TRIM59: variants seen among roughly 807,000 people sequenced by gnomAD.
TRIM59 encodes the protein tripartite motif-containing protein 59.
TRIM59 carries 14 observed loss-of-function variants against 32.2 expected under a neutral mutation model. That is an observed-to-expected ratio of 0.43 (90% confidence interval 0.29 to 0.68). The LOEUF (loss-of-function observed/expected upper bound fraction) is 0.68. TRIM59 is among the 30% of genes least tolerant of loss of function. The pLI is 0.15. For missense variants in TRIM59, 471 were observed against 463.3 expected, an observed-to-expected ratio of 1.02 and a Z score of -0.15; for synonymous variants, 163 against 155.1, an observed-to-expected ratio of 1.05 and a Z score of -0.38.
chr3:160,441,753 CAAAAAAA>C (rs538957200), intron 2 of TRIM59, among the ~76,000 whole-genome samples: 63 of 50,124 alleles, frequency 1.3e-3, no homozygotes, highest in East Asian at 4.9e-3. Context: ...GACTCCATCT[CAAAAAAA>C]AAAAAAAAAA....
intron 2 of TRIM59, among the ~76,000 whole-genome samples, chr3:160,441,471 A>G (rs1346912846): frequency 6.6e-6 from 1 of 152,158 alleles, no homozygotes; most frequent in Non-Finnish European, 1.5e-5. Context: ...TACTCCATTC[A>G]GGCCAGGTGC....
rs763814578 is a variant in TRIM59, at chr3:160,438,919, C to T, written c.265G>A (p.Glu89Lys). 1.2e-6 allele frequency: 2 copies of T among 1,613,982 alleles called. No individual in the cohort carries two copies. Among genetic ancestry groups the T allele is most frequent in the Non-Finnish European group, 1.7e-6 (2 of 1,180,010 alleles). The change falls in exon 3 of 3, where the codon GAA becomes AAA. Residue 89 changes from glutamate to lysine, a missense_variant. By Grantham distance (56) the Glu-to-Lys change is moderately conservative. Transcript: ENST00000309784. ...LRAIIEKYQQ[E>K]DHPDIVTCPE... ...CAGGTGACAATATCTGGATGGTCTT[C>T]TTGCTGGTACTTTTCAATAATAGCC...
At chr3:160,449,072 G>A (rs1373694611) in intron 1 of TRIM59, 13 of 221,404 alleles carry the variant, frequency 5.9e-5, no homozygotes, top group Non-Finnish European at 1.8e-5. Flanking sequence ...CAATGGTGAT[G>A]GCAGAAAAAA....
In TRIM59 at chr3:160,436,529, C is replaced by A; in HGVS notation, c.*1443G>T. 1.0e-6 allele frequency: 1 copy of A among 985,458 alleles called. No homozygotes were observed. The highest frequency in any genetic ancestry group is 1.2e-6 in the Non-Finnish European group (1 of 829,938). 61.0% of individuals were successfully genotyped at this position (985,458 alleles called of 1,614,324 possible). The stretch of plus-strand genomic sequence containing the variant: ...GATTAAGTTGTTGGGCCGGGCGTGG[C>A]GGCTCACGCCTATAATCCCAGCATT... On this transcript the variant is annotated 3_prime_UTR_variant, in exon 3 of 3. Transcript: ENST00000309784.
Position 160,438,629 on chromosome 3 carries a change from A to C in TRIM59, c.555T>G (p.Val185=). The C allele has an allele frequency of 6.2e-7, 1 of 1,612,496 alleles. No homozygotes were observed. The highest frequency in any genetic ancestry group is 8.5e-7 in the Non-Finnish European group (1 of 1,179,600). The change falls in exon 3 of 3, where the codon GTT becomes GTG. Residue 185 remains valine, a synonymous_variant. Transcript: ENST00000309784. ...EKMIQGDKEA[V]LQYFKELNDT... is the part of the protein sequence containing the mutation. ...CATTAAGCTCCTTAAAATACTGGAG[A>C]ACAGCTTCCTTATCGCCTTGGATCA... is the stretch of plus-strand genomic sequence containing the variant.
intron 2 of TRIM59, among the ~76,000 whole-genome samples, chr3:160,440,495 C>G (rs1719185614): frequency 6.6e-6 from 1 of 152,204 alleles, no homozygotes; most frequent in Non-Finnish European, 1.5e-5. Context: ...CTACCACCTC[C>G]TACTGCTTTC....
intron 2 of TRIM59, among the ~76,000 whole-genome samples, chr3:160,445,769 G>A: frequency 9.4e-6 from 1 of 106,146 alleles, no homozygotes; most frequent in African/African-American, 3.8e-5. Context: ...GCAAGACTCT[G>A]TCTCAAAAAA....
At chr3:160,444,167 G>A (rs1364658604) in intron 2 of TRIM59, among the ~76,000 whole-genome samples, 1 of 151,954 alleles carries the variant, frequency 6.6e-6, no homozygotes, top group African/African-American at 2.4e-5. Context: ...GAAGGAAACA[G>A]TTTAAGAACT....
intron 2 of TRIM59, among the ~76,000 whole-genome samples, chr3:160,443,486 A>G (rs1163961579): frequency 6.6e-6 from 1 of 152,222 alleles, no homozygotes; most frequent in Non-Finnish European, 1.5e-5. Flanking sequence ...GATCTCAAAA[A>G]TGAACAACCT....
In TRIM59 at chr3:160,443,120, T is replaced by C. The variant is rs561982689; in HGVS notation, c.-3-3934A>G. Among the ~76,000 whole-genome samples the C allele has an allele frequency of 4.6e-5, 7 of 152,250 alleles. 1 individual carries two copies. Among genetic ancestry groups the C allele is most frequent in the Admixed American group, 4.6e-4 (7 of 15,290 alleles). ...GGCAACAGAGCAAGACCCTGCCTTT[T>C]TTAGAAAAAAAAAAGATACAGGTGG... On this transcript the variant is annotated intron_variant, in intron 2 of 2. Transcript: ENST00000309784.
In TRIM59 at chr3:160,439,075, T is replaced by C; in HGVS notation, c.109A>G (p.Ile37Val). Reference sequence around the variant, plus strand: ...TAAAAGTTACCAGATGCCTGAAGAATGTTTTCCAAACAATTTCTACAAAAT... The same window carrying C: ...TAAAAGTTACCAGATGCCTGAAGAACGTTTTCCAAACAATTTCTACAAAAT... The part of the protein sequence containing the change: ...HTFCRNCLEN[I>V]LQASGNFYIW... Residue 37 changes from isoleucine to valine, a missense_variant, in exon 3 of 3, where the codon ATT (isoleucine) becomes GTT (valine). Coordinates refer to ENST00000309784, the MANE Select transcript of TRIM59 (RefSeq NM_173084.3). 6.4e-7 allele frequency: 1 copy of C among 1,561,486 alleles called. No homozygotes were observed. The highest frequency in any genetic ancestry group is 8.7e-7 in the Non-Finnish European group (1 of 1,155,986).
intron 2 of TRIM59, among the ~76,000 whole-genome samples, chr3:160,440,004 C>T (rs922925262): frequency 1.3e-5 from 2 of 152,120 alleles, no homozygotes; most frequent in Non-Finnish European, 2.9e-5. Flanking sequence ...TATTCTTTAA[C>T]ACAAAAGGAG....
rs1242711717 is a variant in TRIM59, at chr3:160,448,706, T to C, written c.-4+20A>G. 29 of 1,247,308 alleles carry C rather than the reference T, an allele frequency of 2.3e-5. No homozygotes were observed. Among genetic ancestry groups the C allele is most frequent in the Non-Finnish European group, 3.0e-5 (29 of 953,196 alleles). The allele number at this position is 1,247,308 out of a possible 1,614,324, so 77.3% of individuals were successfully genotyped here. A position where few individuals can be genotyped will look rare whatever the true frequency, so the allele number is the denominator to read the frequency against. On this transcript the variant is annotated intron_variant, in intron 2 of 2. Coordinates refer to ENST00000309784, the MANE Select transcript of TRIM59 (RefSeq NM_173084.3). ...AACTTAATTGTTTTTCATATTTATT[T>C]AATCTCCCAGATTACCTACTTTGTT...
Position 160,436,069 on chromosome 3 carries a change from GTC to G in TRIM59, c.*1901_*1902del, listed in dbSNP as rs987076849. 6.9e-6 allele frequency: 8 copies of G among 1,167,652 alleles called. No individual in the cohort carries two copies. In the African/African-American group the frequency reaches 1.1e-4, roughly 17 times the overall value. 72.3% of individuals were successfully genotyped at this position (1,167,652 alleles called of 1,614,324 possible). On this transcript the variant is annotated 3_prime_UTR_variant, in exon 3 of 3. Coordinates refer to ENST00000309784, the MANE Select transcript of TRIM59 (RefSeq NM_173084.3). Reference sequence around the variant, plus strand: ...TATTTTTATCTCTAGCTGAGTATGTGTCTCTCCTTACCTCTACTATGCCCTTT... The same window carrying G: ...TATTTTTATCTCTAGCTGAGTATGTGTCTCCTTACCTCTACTATGCCCTTT...
rs1188834938 is a variant in TRIM59 at position 160,435,906 on chromosome 3, G to T, written c.*2066C>A. ...CAGTTCCCTCATCTACAAAAAGGGG[G>T]TTAAAAATATTCACATCACAGAAAT... On this transcript the variant is annotated 3_prime_UTR_variant, in exon 3 of 3. Coordinates refer to ENST00000309784, the MANE Select transcript of TRIM59 (RefSeq NM_173084.3). 6 of 1,267,406 alleles carry T rather than the reference G, an allele frequency of 4.7e-6. No homozygotes were observed. Among genetic ancestry groups the T allele is most frequent in the Non-Finnish European group, 6.2e-6 (6 of 969,286 alleles). The allele number at this position is 1,267,406 out of a possible 1,614,324, so 78.5% of individuals were successfully genotyped here.
intron 2 of TRIM59, among the ~76,000 whole-genome samples, chr3:160,444,552 G>A (rs1275908343): frequency 6.6e-6 from 1 of 152,160 alleles, no homozygotes; most frequent in East Asian, 1.9e-4. Context: ...TGACTTTGCT[G>A]CTACTCCCTG....
At chr3:160,443,643 A>T (rs985342456) in intron 2 of TRIM59, among the ~76,000 whole-genome samples, 1 of 151,754 alleles carries the variant, frequency 6.6e-6, no homozygotes, top group African/African-American at 2.4e-5. Context: ...CAAAAGACAG[A>T]TCTTTTTTTT....
At chr3:160,443,917 G>C (rs551252675) in intron 2 of TRIM59, among the ~76,000 whole-genome samples, 1 of 152,220 alleles carries the variant, frequency 6.6e-6, no homozygotes, top group South Asian at 2.1e-4. Context: ...TGTGATTTCA[G>C]GCATGCAGAA....
chr3:160,446,244 AC>A (rs1474173638), intron 2 of TRIM59, among the ~76,000 whole-genome samples: 1 of 152,192 alleles, frequency 6.6e-6, no homozygotes, highest in East Asian at 1.9e-4. Context: ...ACTAGGCCCT[AC>A]TCAACTGTTC....
Sources: allele counts gnomAD v4.1 joint callset (sites outside exome capture counted in the v4.1 genomes callset), GRCh38; gene constraint gnomAD v4.1.1; transcripts MANE v1.5; gene names NCBI Gene and HGNC (gene_info 2026-07-23, HGNC 2026-07-21).